SYNDIG1: variants seen among roughly 807,000 people sequenced by gnomAD.
The protein encoded by SYNDIG1 is synapse differentiation-inducing gene protein 1.
Under a neutral mutation model 19.4 loss-of-function variants are expected in SYNDIG1, and 9 were observed. That is an observed-to-expected ratio of 0.46 (90% confidence interval 0.28 to 0.81). The LOEUF (loss-of-function observed/expected upper bound fraction) is 0.81, where lower values mean the gene tolerates loss of function less well. Ranked by LOEUF, SYNDIG1 falls within the 30% of genes least tolerant of loss-of-function variation. The pLI is 0.12. For missense variants in SYNDIG1, 311 were observed against 343.3 expected (o/e 0.91, Z 0.74); for synonymous variants, 141 against 145.9 (o/e 0.97, Z 0.24).
At chr20:24,513,894 A>G (rs1427034831) in intron 1 of SYNDIG1, among the ~76,000 whole-genome samples, 1 of 152,258 alleles carries the variant, frequency 6.6e-6, no homozygotes, top group African/African-American at 2.4e-5. Flanking sequence ...GGTTACCCAC[A>G]AAGGGAAACC....
At chr20:24,627,107 GGGGAGAGGGGGACCGTGGGGAGA>G (rs1451760289) in intron 3 of SYNDIG1, among the ~76,000 whole-genome samples, 3 of 151,168 alleles carry the variant, frequency 2.0e-5, no homozygotes, top group African/African-American at 4.9e-5. Context: ...GGGGGACCGT[GGGGAGAGGGGGACCGTGGGGAGA>G]GGGAGAGGGA....
At chr20:24,560,243 A>G (rs1568642183) in intron 2 of SYNDIG1, among the ~76,000 whole-genome samples, 1 of 150,084 alleles carries the variant, frequency 6.7e-6, no homozygotes, top group South Asian at 2.1e-4. Flanking sequence ...TAATTTTTGT[A>G]TTTTTTTAGT....
At chr20:24,515,234 A>C (rs1250938424) in intron 1 of SYNDIG1, among the ~76,000 whole-genome samples, 1 of 152,224 alleles carries the variant, frequency 6.6e-6, no homozygotes, top group Non-Finnish European at 1.5e-5. Context: ...GCAAGAGCAA[A>C]CACATTCAAA....
At position 24,471,799 on chromosome 20, in the gene SYNDIG1, A is replaced by G. The variant is rs571901750; in HGVS notation, c.-79+2046A>G. 3.9e-5 allele frequency among the ~76,000 whole-genome samples: 6 copies of G among 152,142 alleles called. No homozygotes were observed. In the South Asian group the frequency reaches 6.2e-4, roughly 16 times the overall value. ...GAGTTTTGGAAGCCTTGTTTGATGA[A>G]GTATTTCAAAACTCATTCCAAAATG... On this transcript the variant is annotated intron_variant, in intron 1 of 3. Transcript: ENST00000376862.
At chr20:24,586,688 AG>A (rs2058423776) in intron 3 of SYNDIG1, among the ~76,000 whole-genome samples, 1 of 152,206 alleles carries the variant, frequency 6.6e-6, no homozygotes, top group African/African-American at 2.4e-5. Context: ...GGGGAAGGAT[AG>A]GGACACACCC....
At chr20:24,612,314 G>T (rs2058861587) in intron 3 of SYNDIG1, among the ~76,000 whole-genome samples, 1 of 152,156 alleles carries the variant, frequency 6.6e-6, no homozygotes, top group African/African-American at 2.4e-5. Flanking sequence ...TTTTGGACAG[G>T]GCTTAACCCT....
At chr20:24,597,897 C>G (rs2058621178) in intron 3 of SYNDIG1, among the ~76,000 whole-genome samples, 1 of 152,150 alleles carries the variant, frequency 6.6e-6, no homozygotes, top group Non-Finnish European at 1.5e-5. Context: ...TCCTAAGACT[C>G]AAGGAGGTCA....
chr20:24,618,239 A>AGGGGAGAGCCCCGGGAGG (rs1441753377), intron 3 of SYNDIG1, among the ~76,000 whole-genome samples: 1 of 37,056 alleles, frequency 2.7e-5, no homozygotes, highest in Non-Finnish European at 5.6e-5. Context: ...GCCCGGGGAG[A>AGGGGAGAGCCCCGGGAGG]GGGGAGAGCC....
chr20:24,646,808 G>A (rs1051399141), intron 3 of SYNDIG1, among the ~76,000 whole-genome samples: 4 of 152,016 alleles, frequency 2.6e-5, no homozygotes, highest in Non-Finnish European at 5.9e-5. Context: ...GTTTAGTAGA[G>A]TGGAGTTTCA....
intron 3 of SYNDIG1, among the ~76,000 whole-genome samples, chr20:24,618,790 T>G (rs1269969804): frequency 6.6e-6 from 1 of 152,104 alleles, no homozygotes. Context: ...TCTTACCTCT[T>G]CCCCTCCATG....
At position 24,625,383 on chromosome 20, in the gene SYNDIG1, C is replaced by CT. The variant is rs2059108072; in HGVS notation, c.619-39963_619-39962insT. Among the ~76,000 whole-genome samples the CT allele has an allele frequency of 1.1e-4, 11 of 97,502 alleles. No homozygotes were observed. The Admixed American group carries it at 1.2e-3, about 11-fold the overall frequency. 64.0% of individuals were successfully genotyped at this position (97,502 alleles called of 152,430 possible). On this transcript the variant is annotated intron_variant, in intron 3 of 3. Coordinates refer to ENST00000376862, the MANE Select transcript of SYNDIG1 (RefSeq NM_024893.3). ...GGGCCATCACTCCAAATGCCTGGGA[C>CT]ATTTTTTTTTTTTTTTTTTTTTGAT...
At chr20:24,526,261 A>G (rs139626668) in intron 1 of SYNDIG1, among the ~76,000 whole-genome samples, 7 of 152,214 alleles carry the variant, frequency 4.6e-5, no homozygotes, top group South Asian at 2.1e-4. Context: ...TTTTCTATTT[A>G]GAATTTGGCC....
chr20:24,635,921 TTCTG>T (rs1335949085), intron 3 of SYNDIG1, among the ~76,000 whole-genome samples: 2 of 152,210 alleles, frequency 1.3e-5, no homozygotes, highest in Non-Finnish European at 2.9e-5. Flanking sequence ...TAAACACACT[TTCTG>T]TATCTCAATG....
At chr20:24,639,713 A>T (rs775210008) in intron 3 of SYNDIG1, among the ~76,000 whole-genome samples, 5 of 152,244 alleles carry the variant, frequency 3.3e-5, no homozygotes, top group African/African-American at 9.6e-5. Context: ...GGGTGAAAAC[A>T]TCAGAAGCAA....
chr20:24,510,134 C>A (rs978285189), intron 1 of SYNDIG1, among the ~76,000 whole-genome samples: 2 of 152,202 alleles, frequency 1.3e-5, no homozygotes, highest in African/African-American at 4.8e-5. Flanking sequence ...GGCTGCAAAA[C>A]CATGAGCCAA....
At chr20:24,489,902 C>A (rs1600414835) in intron 1 of SYNDIG1, among the ~76,000 whole-genome samples, 1 of 152,224 alleles carries the variant, frequency 6.6e-6, no homozygotes, top group Admixed American at 6.5e-5. Context: ...TGTGTCATCA[C>A]CAAGCAGGCC....
At chr20:24,647,217 C>T (rs1377929011) in intron 3 of SYNDIG1, among the ~76,000 whole-genome samples, 2 of 152,112 alleles carry the variant, frequency 1.3e-5, no homozygotes, top group African/African-American at 4.8e-5. Flanking sequence ...AATTTTGCAT[C>T]TTGCTCCCAA....
At chr20:24,487,960 T>C (rs1028723215) in intron 1 of SYNDIG1, among the ~76,000 whole-genome samples, 12 of 152,194 alleles carry the variant, frequency 7.9e-5, no homozygotes, top group Non-Finnish European at 1.5e-4. Flanking sequence ...CTACTCCAGC[T>C]GACTGCGGCT....
At chr20:24,605,060 G>C (rs1227421625) in intron 3 of SYNDIG1, among the ~76,000 whole-genome samples, 1 of 152,108 alleles carries the variant, frequency 6.6e-6, no homozygotes, top group African/African-American at 2.4e-5. Flanking sequence ...CAGGTAGTTG[G>C]GGGGCATCTG....
Sources: allele counts gnomAD v4.1 joint callset (sites outside exome capture counted in the v4.1 genomes callset), GRCh38; gene constraint gnomAD v4.1.1; transcripts MANE v1.5; gene names NCBI Gene and HGNC (gene_info 2026-07-23, HGNC 2026-07-21).